Variants in FHL5 observed in about 807,000 individuals in gnomAD.
FHL5 encodes four and a half LIM domains 5, also known as four and a half LIM domains protein 5.
A neutral mutation model predicts 32.0 loss-of-function variants in FHL5; 33 were observed. The observed-to-expected ratio is 1.03, with a 90% CI of 0.78 to 1.38. The LOEUF (loss-of-function observed/expected upper bound fraction) is 1.38. Ranked by LOEUF, FHL5 falls within the 40% of genes most tolerant of loss-of-function variation. The probability of loss-of-function intolerance (pLI) is 0.00; values close to 1 mark genes in which losing one functional copy is unlikely to be tolerated. For missense variants in FHL5, 336 were observed against 343.9 expected, an observed-to-expected ratio of 0.98 and a Z score of 0.18; for synonymous variants, 114 against 113.6, an observed-to-expected ratio of 1.00 and a Z score of -0.02.
rs201145903 is a variant in FHL5, at chr6:96,615,673, C to G, written c.756C>G (p.Cys252Trp). The change falls in exon 6 of 6, where the codon TGC becomes TGG. Residue 252 changes from cysteine (C) to tryptophan (W), a missense_variant. Physicochemically the swap from Cys to Trp is radical, Grantham distance 215. Transcript: ENST00000450218. ...DSQWHSECFN[C>W]GKCSVSLVGK... is the part of the protein sequence containing the mutation. ...AGTGGCATAGCGAATGCTTTAACTG[C>G]GGGAAATGCTCTGTCTCCTTGGTGG... The G allele has an allele frequency of 6.2e-7, 1 of 1,612,894 alleles. No homozygotes were observed. The highest frequency in any genetic ancestry group is 1.1e-5 in the South Asian group (1 of 90,860).
intron 5 of FHL5, among the ~76,000 whole-genome samples, chr6:96,614,831 G>A (rs1249625300): frequency 2.0e-5 from 3 of 152,232 alleles, no homozygotes; most frequent in African/African-American, 4.8e-5. Context: ...ATTCAAATTC[G>A]ACTACTTTTT....
intron 1 of FHL5, among the ~76,000 whole-genome samples, chr6:96,602,976 C>G (rs1300684759): frequency 6.6e-6 from 1 of 152,050 alleles, no homozygotes; most frequent in Non-Finnish European, 1.5e-5. Flanking sequence ...CTAAAGCTAG[C>G]AGAAAACAGA....
intron 1 of FHL5, among the ~76,000 whole-genome samples, chr6:96,587,239 A>G (rs1307585015): frequency 2.0e-5 from 3 of 152,080 alleles, no homozygotes; most frequent in Non-Finnish European, 4.4e-5. Flanking sequence ...CATTTCTCTC[A>G]TCAAACAAGA....
intron 1 of FHL5, among the ~76,000 whole-genome samples, chr6:96,580,377 C>G (rs1430405785): frequency 6.6e-6 from 1 of 151,978 alleles, no homozygotes; most frequent in Admixed American, 6.6e-5. Context: ...GTTTACAATT[C>G]AGTTAGAAGG....
chr6:96,607,934 G>A (rs1315252391), intron 4 of FHL5, among the ~76,000 whole-genome samples: 1 of 152,156 alleles, frequency 6.6e-6, no homozygotes, highest in Non-Finnish European at 1.5e-5. Context: ...CAAGGCTGCA[G>A]TGAGCTATGA....
chr6:96,594,826 T>C (rs1192176413), intron 1 of FHL5, among the ~76,000 whole-genome samples: 2 of 151,996 alleles, frequency 1.3e-5, no homozygotes, highest in African/African-American at 2.4e-5. Context: ...ATCTAATGAC[T>C]TATTATTAAA....
chr6:96,569,385 T>G (rs1770427486), intron 1 of FHL5, among the ~76,000 whole-genome samples: 1 of 152,110 alleles, frequency 6.6e-6, no homozygotes, highest in African/African-American at 2.4e-5. Flanking sequence ...CATTTTCTAA[T>G]GAAAAGAATA....
At chr6:96,613,204 T>C (rs1771448752) in intron 5 of FHL5, among the ~76,000 whole-genome samples, 1 of 147,486 alleles carries the variant, frequency 6.8e-6, no homozygotes, top group Non-Finnish European at 1.5e-5. Flanking sequence ...CAAAAACATG[T>C]TATATAATAT....
chr6:96,587,782 CTAA>C (rs370236329), intron 1 of FHL5, among the ~76,000 whole-genome samples: 8 of 152,156 alleles, frequency 5.3e-5, no homozygotes, highest in African/African-American at 1.9e-4. Flanking sequence ...TTCATAATTC[CTAA>C]TAATAAACTT....
intron 1 of FHL5, among the ~76,000 whole-genome samples, chr6:96,577,830 T>C (rs558495218): frequency 6.6e-6 from 1 of 152,290 alleles, no homozygotes; most frequent in East Asian, 1.9e-4. Context: ...AACAAGCTTT[T>C]TACCTTTTTA....
Position 96,590,880 on chromosome 6 carries a change from C to T in FHL5, c.-12-12722C>T, listed in dbSNP as rs1770901867. On this transcript the variant is annotated intron_variant, in intron 1 of 5. Coordinates refer to ENST00000450218, the MANE Select transcript of FHL5 (RefSeq NM_001322466.2). Reference sequence around the variant, plus strand: ...CTTTTACTTGGTAAAATTATTGAAACACAGTGATTCTCTTGAATTTTAAAC... The same window carrying T: ...CTTTTACTTGGTAAAATTATTGAAATACAGTGATTCTCTTGAATTTTAAAC... Among the ~76,000 whole-genome samples the T allele has an allele frequency of 3.9e-5, 6 of 151,984 alleles. No individual in the cohort carries two copies. The South Asian group carries it at 1.2e-3, about 31-fold the overall frequency.
At position 96,609,582 on chromosome 6, in the gene FHL5, C is replaced by G. The variant is rs181408566; in HGVS notation, c.505-990C>G. Among the ~76,000 whole-genome samples the G allele has an allele frequency of 4.9e-3, 753 of 152,354 alleles. 6 individuals are homozygous for G. Among genetic ancestry groups the G allele is most frequent in the Non-Finnish European group, 7.4e-3 (505 of 68,030 alleles). The stretch of plus-strand genomic sequence containing the variant: ...ATCTCAGGCAAAACACTGCACATCA[C>G]ACCTTAAGGCTCAATGTACAACCAG... On this transcript the variant is annotated intron_variant, in intron 4 of 5. Coordinates refer to ENST00000450218, the MANE Select transcript of FHL5 (RefSeq NM_001322466.2).
At position 96,608,089 on chromosome 6, in the gene FHL5, C is replaced by G. The variant is rs530158739; in HGVS notation, c.504+2018C>G. ...TGTTTTGAGAGACAACTGAGTTGGC[C>G]AATTTTAGGCTGCATTTCTTAAAGA... On this transcript the variant is annotated intron_variant, in intron 4 of 5. Transcript: ENST00000450218. Among the ~76,000 whole-genome samples the G allele has an allele frequency of 2.0e-5, 3 of 152,118 alleles. No individual in the cohort carries two copies. The East Asian group carries it at 5.8e-4, about 29-fold the overall frequency.
chr6:96,575,918 A>G (rs1432532017), intron 1 of FHL5, among the ~76,000 whole-genome samples: 3 of 152,312 alleles, frequency 2.0e-5, no homozygotes, highest in South Asian at 2.1e-4. Context: ...TGTGTAGTTA[A>G]GTTTTTAAAG....
chr6:96,599,284 C>T (rs1771100791), intron 1 of FHL5, among the ~76,000 whole-genome samples: 1 of 150,336 alleles, frequency 6.7e-6, no homozygotes, highest in Admixed American at 6.6e-5. Flanking sequence ...CAACCTTCAC[C>T]TCCTGGGTTC....
At chr6:96,572,975 G>A (rs1049587193) in intron 1 of FHL5, among the ~76,000 whole-genome samples, 1 of 152,066 alleles carries the variant, frequency 6.6e-6, no homozygotes, top group African/African-American at 2.4e-5. Context: ...TAAGCACTAG[G>A]GGCTTCTAGT....
intron 1 of FHL5, among the ~76,000 whole-genome samples, chr6:96,600,716 T>C (rs1771130452): frequency 1.3e-5 from 2 of 152,306 alleles, no homozygotes; most frequent in South Asian, 4.1e-4. Flanking sequence ...ATAGACTTCA[T>C]GAAAATGAGG....
chr6:96,575,647 G>A (rs1216067148), intron 1 of FHL5, among the ~76,000 whole-genome samples: 1 of 152,172 alleles, frequency 6.6e-6, no homozygotes, highest in Non-Finnish European at 1.5e-5. Context: ...TCCTCAAGTG[G>A]CATAGAATGA....
rs925831536 is a variant in FHL5, at chr6:96,617,626, A to T, written c.*1854A>T. Among the ~76,000 whole-genome samples the T allele has an allele frequency of 6.6e-6, 1 of 152,222 alleles. No individual in the cohort carries two copies. The highest frequency in any genetic ancestry group is 1.5e-5 in the Non-Finnish European group (1 of 68,014). ...AACTAAATCTATGATATAGAAAATA[A>T]TAGCACATTACACATAGAGAAAACC... On this transcript the variant is annotated 3_prime_UTR_variant, in exon 6 of 6. Transcript: ENST00000450218.
Sources: gnomAD v4.1 joint callset for allele counts (sites outside exome capture counted in the v4.1 genomes callset) on GRCh38, gnomAD v4.1.1 for gene constraint, MANE v1.5 for transcripts, NCBI Gene and HGNC (gene_info 2026-07-23, HGNC 2026-07-21) for gene names.